MAX: variants seen among roughly 807,000 people sequenced by gnomAD.
The protein encoded by MAX is MYC associated transcriptional regulator X.
In MAX, 3 loss-of-function variants were observed where a neutral mutation model predicts 22.3. The observed-to-expected ratio is 0.13, with a 90% CI of 0.06 to 0.35. MAX has a LOEUF of 0.35. Among genes scored for constraint, MAX ranks in the 10% least tolerant of loss-of-function variants. MAX has a pLI of 1.00. For missense variants in MAX, 119 were observed against 209.4 expected (o/e 0.57, Z 2.66); for synonymous variants, 72 against 77.7 (o/e 0.93, Z 0.39).
In MAX at chr14:65,047,209, A is replaced by G. The variant is rs998626150; in HGVS notation, c.172-40925T>C. 2.0e-5 allele frequency among the ~76,000 whole-genome samples: 3 copies of G among 152,226 alleles called. No homozygotes were observed. Among genetic ancestry groups the G allele is most frequent in the South Asian group, 4.1e-4 (2 of 4,832 alleles). ...CCAGGGGCTGTACTGAGCATTTCAC[A>G]TATGTTTTCTCATTTAATTCTCAAA... On this transcript the variant is annotated intron_variant, in intron 3 of 3. Coordinates refer to the MAX transcript ENST00000341653. This position sits in a 1 kb window ranked among gnomAD's most constrained non-coding sequence, Gnocchi z 5.2.
Position 65,101,627 on chromosome 14 carries a change from A to C in MAX, c.37-55T>G, listed in dbSNP as rs773331805. On this transcript the variant is annotated intron_variant, in intron 1 of 4. Coordinates refer to ENST00000358664, the MANE Select transcript of MAX (RefSeq NM_002382.5). ...AAATATAGAAGTTATTTTTACACTT[A>C]ACATTCAATAATAAGAAAGAAAATG... 9 of 1,305,716 alleles carry C rather than the reference A, an allele frequency of 6.9e-6. No individual in the cohort carries two copies. The East Asian group carries it at 1.2e-4, about 18-fold the overall frequency. The allele number at this position is 1,305,716 out of a possible 1,614,324, so 80.9% of individuals were successfully genotyped here. A position where few individuals can be genotyped will look rare whatever the true frequency, so the allele number is the denominator to read the frequency against.
intron 3 of MAX, chr14:65,053,335 G>C (rs775704394): frequency 6.9e-7 from 1 of 1,439,694 alleles, no homozygotes; most frequent in Admixed American, 2.6e-5. Flanking sequence ...GGGGGCTTCT[G>C]GATAAACCTG....
chr14:65,051,851 G>A (rs1384355200), intron 3 of MAX, among the ~76,000 whole-genome samples: 16 of 149,778 alleles, frequency 1.1e-4, no homozygotes, highest in Non-Finnish European at 1.6e-4. Context: ...CTGGAGTGCA[G>A]TGGTGTGATC....
At chr14:65,051,892 T>C (rs2062621737) in intron 3 of MAX, among the ~76,000 whole-genome samples, 1 of 151,814 alleles carries the variant, frequency 6.6e-6, no homozygotes, top group Non-Finnish European at 1.5e-5. Context: ...CCTCCTGGGT[T>C]CACGCCATTC....
Position 65,054,604 on chromosome 14 carries a change from G to T in MAX, c.171+39104C>A. The T allele has an allele frequency of 1.2e-6, 2 of 1,613,710 alleles. No individual in the cohort carries two copies. Among genetic ancestry groups the T allele is most frequent in the Non-Finnish European group, 1.7e-6 (2 of 1,179,876 alleles). ...CGTGATTTCTACCACACCTGCTACTGCCTGAGCGGCCTGTCCATAGCCCAG... is the reference window on the plus strand; with the variant it reads ...CGTGATTTCTACCACACCTGCTACTTCCTGAGCGGCCTGTCCATAGCCCAG... On this transcript the variant is annotated intron_variant, in intron 3 of 3. Transcript: ENST00000341653. This position sits in a 1 kb window ranked among gnomAD's most constrained non-coding sequence, Gnocchi z 4.4.
At chr14:65,083,874 A>G in intron 3 of MAX, 3 of 1,250,952 alleles carry the variant, frequency 2.4e-6, no homozygotes, top group Non-Finnish European at 2.0e-6. Context: ...ACTGGTGTAC[A>G]TTTCCATGTG....
Position 65,065,672 on chromosome 14 carries a change from CT to C in MAX, c.171+28035del, listed in dbSNP as rs1315737424. 2.6e-5 allele frequency among the ~76,000 whole-genome samples: 4 copies of C among 152,334 alleles called. No individual in the cohort carries two copies. The South Asian group carries it at 6.2e-4, about 24-fold the overall frequency. On this transcript the variant is annotated intron_variant, in intron 3 of 3. Coordinates refer to the MAX transcript ENST00000341653. ...ACGGGACCACTGTCGTACATGCATT[CT>C]GTTGTTAACCAAAACATGATGTGGC...
In MAX at chr14:65,027,535, A is replaced by G. The variant is rs952195302; in HGVS notation, c.172-21251T>C. 18 of 1,614,096 alleles carry G rather than the reference A, an allele frequency of 1.1e-5. No homozygotes were observed. The highest frequency in any genetic ancestry group is 1.4e-5 in the Non-Finnish European group (17 of 1,180,046). On this transcript the variant is annotated intron_variant, in intron 3 of 3. Transcript: ENST00000341653. This position sits in a 1 kb window ranked among gnomAD's most constrained non-coding sequence, Gnocchi z 5.7. Reference sequence around the variant, plus strand: ...CGGTCAGTATCCACACCTTGCACCCACATATGCAGCAGTCAATGCATTGTG... The same window carrying G: ...CGGTCAGTATCCACACCTTGCACCCGCATATGCAGCAGTCAATGCATTGTG...
chr14:65,043,682 C>T (rs577531017), intron 3 of MAX, among the ~76,000 whole-genome samples: 107 of 151,150 alleles, frequency 7.1e-4, no homozygotes, highest in Middle Eastern at 3.5e-3. Flanking sequence ...ATTAGCCGGG[C>T]GCGGTGGCGG....
rs2061925300 is a variant in MAX, at chr14:65,023,565, T to C, written c.172-17281A>G. Among the ~76,000 whole-genome samples the C allele has an allele frequency of 6.6e-6, 1 of 152,232 alleles. No homozygotes were observed. Among genetic ancestry groups the C allele is most frequent in the African/African-American group, 2.4e-5 (1 of 41,462 alleles). On this transcript the variant is annotated intron_variant, in intron 3 of 3. Transcript: ENST00000341653. The surrounding 1 kb of genome is among the most constrained non-coding windows in gnomAD (Gnocchi z 4.1). ...AAATGTTCTATATTCTGTAAATGTC[T>C]ATAGGTGTCTATAAACATCTATACG...
chr14:65,098,496 G>GA (rs1364027554), intron 2 of MAX, among the ~76,000 whole-genome samples: 1 of 151,842 alleles, frequency 6.6e-6, no homozygotes, highest in African/African-American at 2.4e-5. Flanking sequence ...ATGGTCACTG[G>GA]AAAAAAAATT....
chr14:65,020,754 C>T (rs1165231564), intron 3 of MAX, among the ~76,000 whole-genome samples: 12 of 73,570 alleles, frequency 1.6e-4, no homozygotes, highest in South Asian at 4.2e-4. Flanking sequence ...TTTTTTGAGA[C>T]GGAGTTTTGC....
chr14:65,053,133 G>A, intron 3 of MAX: 2 of 825,980 alleles, frequency 2.4e-6, no homozygotes, highest in Non-Finnish European at 3.3e-6. Flanking sequence ...GAAGAGGAAG[G>A]GGAGCAGGAA....
chr14:65,064,574 T>G (rs2062912244), intron 3 of MAX, among the ~76,000 whole-genome samples: 2 of 152,278 alleles, frequency 1.3e-5, no homozygotes, highest in Non-Finnish European at 2.9e-5. Flanking sequence ...ACCCCAGCCT[T>G]CCTTCCAGCG....
chr14:65,090,899 C>T (rs1405330329), intron 3 of MAX, among the ~76,000 whole-genome samples: 1 of 152,100 alleles, frequency 6.6e-6, no homozygotes, highest in Non-Finnish European at 1.5e-5. Context: ...TTCTTTTTTA[C>T]ACAAGTATCC....
rs781552685 is a variant in MAX, at chr14:65,054,782, G to T, written c.171+38926C>A. The T allele has an allele frequency of 7.3e-7, 1 of 1,365,824 alleles. No homozygotes were observed. Among genetic ancestry groups the T allele is most frequent in the East Asian group, 2.5e-5 (1 of 39,728 alleles). The allele number at this position is 1,365,824 out of a possible 1,614,324, so 84.6% of individuals were successfully genotyped here. On this transcript the variant is annotated intron_variant, in intron 3 of 3. Coordinates refer to the MAX transcript ENST00000341653. The surrounding 1 kb of genome is among the most constrained non-coding windows in gnomAD (Gnocchi z 4.4). The stretch of plus-strand genomic sequence containing the variant: ...AAGCAGAACTGGCTCTGCATTTCCT[G>T]TGTGGACAGGCGGAAGCTTGTGGTC...
chr14:65,080,022 TA>T (rs1380649912), intron 3 of MAX, among the ~76,000 whole-genome samples: 9 of 152,216 alleles, frequency 5.9e-5, no homozygotes, highest in Non-Finnish European at 1.2e-4. Context: ...GTTGAGGAGA[TA>T]AATATGTCTA....
chr14:65,067,980 T>C (rs2062948526), intron 3 of MAX, among the ~76,000 whole-genome samples: 1 of 152,088 alleles, frequency 6.6e-6, no homozygotes, highest in African/African-American at 2.4e-5. Context: ...AAAGTACCAT[T>C]CTCATCACAC....
intron 3 of MAX, among the ~76,000 whole-genome samples, chr14:65,067,956 A>G (rs1414392086): frequency 1.3e-5 from 2 of 152,002 alleles, no homozygotes; most frequent in Non-Finnish European, 2.9e-5. Context: ...TTTTTGGAGG[A>G]AGGCCACAGA....
Sources: gnomAD v4.1 joint callset for allele counts (sites outside exome capture counted in the v4.1 genomes callset) on GRCh38, gnomAD v4.1.1 for gene constraint, Gnocchi (gnomAD v3.1) non-coding constraint, MANE v1.5 for transcripts, NCBI Gene and HGNC (gene_info 2026-07-23, HGNC 2026-07-21) for gene names.